SLC36A1: variants seen among roughly 807,000 people sequenced by gnomAD.
SLC36A1 encodes proton-coupled amino acid transporter 1.
In SLC36A1, 30 loss-of-function variants were observed where a neutral mutation model predicts 47.5. The observed-to-expected ratio is 0.63, with a 90% CI of 0.47 to 0.86. The LOEUF (loss-of-function observed/expected upper bound fraction) is 0.86, where lower values mean the gene tolerates loss of function less well. SLC36A1 is among the 40% of genes least tolerant of loss of function. The pLI, the probability that SLC36A1 is intolerant of heterozygous loss-of-function variation, is 0.00. For missense variants in SLC36A1, 517 were observed against 606.0 expected, an observed-to-expected ratio of 0.85 and a Z score of 1.54; for synonymous variants, 255 against 249.7, an observed-to-expected ratio of 1.02 and a Z score of -0.20.
chr5:151,426,423 A>G, the SLC36A1 span, among the ~76,000 whole-genome samples: 1 of 151,998 alleles, frequency 6.6e-6, no homozygotes, highest in East Asian at 1.9e-4. Context: ...ACGTGAGCAA[A>G]GGTCTCTGTG....
At chr5:151,442,138 A>C (rs542588745) in intron 1 of SLC36A1, among the ~76,000 whole-genome samples, 1 of 152,166 alleles carries the variant, frequency 6.6e-6, no homozygotes, top group African/African-American at 2.4e-5. Context: ...TGAGAACATA[A>C]TTTTTGTTTT....
upstream of SLC36A1, among the ~76,000 whole-genome samples, chr5:151,446,691 G>A (rs144478473): frequency 2.2e-3 from 331 of 152,242 alleles, 1 homozygote; most frequent in African/African-American, 7.5e-3. Context: ...ACTAGCATAT[G>A]GTCTATTCTA....
chr5:151,521,424 G>T, the SLC36A1 span: 12 of 1,614,086 alleles, frequency 7.4e-6, no homozygotes, highest in African/African-American at 1.3e-5. Flanking sequence ...AGGGCACCAT[G>T]GGCATAGCTG....
chr5:151,431,798 G>C, the SLC36A1 span, among the ~76,000 whole-genome samples: 1 of 152,134 alleles, frequency 6.6e-6, no homozygotes, highest in Admixed American at 6.5e-5. Context: ...ACCCAGTCTC[G>C]AGTGTGTCTT....
Position 151,473,693 on chromosome 5 carries a change from C to T in SLC36A1, c.744C>T (p.His248=). 1.9e-6 allele frequency: 3 copies of T among 1,613,660 alleles called. No individual in the cohort carries two copies. Among genetic ancestry groups the T allele is most frequent in the East Asian group, 2.2e-5 (1 of 44,872 alleles). ...FIVQRIPDPS[H]LPLVAPWKTY... ...TTCAGAGGATCCCAGACCCCAGCCA[C>T]CTCCCCTTGGTGGCCCCTTGGAAGA... Residue 248 remains histidine, a synonymous_variant, in exon 8 of 11, where the codon CAC becomes CAT. Coordinates refer to ENST00000243389, the MANE Select transcript of SLC36A1 (RefSeq NM_078483.4).
the SLC36A1 span, among the ~76,000 whole-genome samples, chr5:151,429,168 T>C: frequency 6.6e-6 from 1 of 152,182 alleles, no homozygotes; most frequent in Admixed American, 6.5e-5. Context: ...CTTCTCAGCA[T>C]TTTACCTATG....
Position 151,476,755 on chromosome 5 carries a change from T to C in SLC36A1, c.988T>C (p.Trp330Arg). 6.2e-7 allele frequency: 1 copy of C among 1,610,948 alleles called. No individual in the cohort carries two copies. Among genetic ancestry groups the C allele is most frequent in the Non-Finnish European group, 8.5e-7 (1 of 1,178,200 alleles). Residue 330 changes from tryptophan to arginine, a missense_variant and splice_region_variant, in exon 9 of 11, where the codon TGG (tryptophan) becomes CGG (arginine). Coordinates refer to ENST00000243389, the MANE Select transcript of SLC36A1 (RefSeq NM_078483.4). ...CATAACCCTCAACCTGCCCAACTGC[T>C]GGTACGTGGAGGGAGGATGGAAACC... is the stretch of plus-strand genomic sequence containing the variant. ...GSITLNLPNC[W>R]LYQSVKLLYS...
At position 151,442,210 on chromosome 5, in the gene SLC36A1, G is replaced by A. The variant is rs369363345; in HGVS notation, c.-6+5031G>A. Reference sequence around the variant, plus strand: ...TAGCATTTACAACATGATGTTATGCGATACTTATAGATAGTAAAATTGTAA... The same window carrying A: ...TAGCATTTACAACATGATGTTATGCAATACTTATAGATAGTAAAATTGTAA... On this transcript the variant is annotated intron_variant, in intron 1 of 8. Transcript: ENST00000429484. 2.4e-4 allele frequency among the ~76,000 whole-genome samples: 36 copies of A among 152,112 alleles called. 1 individual carries two copies. In the East Asian group the frequency reaches 2.7e-3, roughly 11 times the overall value.
chr5:151,531,603 G>A, the SLC36A1 span: 1 of 1,612,708 alleles, frequency 6.2e-7, no homozygotes, highest in Non-Finnish European at 8.5e-7. This position sits in a 1 kb window ranked among gnomAD's most constrained non-coding sequence, Gnocchi z 5.7. Flanking sequence ...GAGCATCCAG[G>A]CGGAACCTGC....
the SLC36A1 span, among the ~76,000 whole-genome samples, chr5:151,531,077 G>A: frequency 5.9e-5 from 9 of 152,130 alleles, no homozygotes; most frequent in African/African-American, 2.2e-4. This position sits in a 1 kb window ranked among gnomAD's most constrained non-coding sequence, Gnocchi z 5.7. Flanking sequence ...GTCTTCTGTG[G>A]CTAGTAGGAA....
chr5:151,509,135 A>G, the SLC36A1 span, among the ~76,000 whole-genome samples: 2 of 152,182 alleles, frequency 1.3e-5, no homozygotes, highest in Non-Finnish European at 2.9e-5. Context: ...CACCTGCCCA[A>G]GTGGAACCAT....
At chr5:151,429,820 C>G in the SLC36A1 span, among the ~76,000 whole-genome samples, 1 of 152,134 alleles carries the variant, frequency 6.6e-6, no homozygotes, top group Non-Finnish European at 1.5e-5. Flanking sequence ...CTTGAACACA[C>G]GTAGAAACAG....
At chr5:151,347,422 G>A in the SLC36A1 span, 21 of 1,614,170 alleles carry the variant, frequency 1.3e-5, no homozygotes, top group Admixed American at 5.0e-5. Flanking sequence ...TGATGGCAAC[G>A]GCTCCCTGGG....
At chr5:151,553,345 C>T in the SLC36A1 span, 1 of 1,614,266 alleles carries the variant, frequency 6.2e-7, no homozygotes, top group Non-Finnish European at 8.5e-7. Context: ...TGTAGCCGGA[C>T]ACTGGCTGAG....
chr5:151,369,679 G>T, the SLC36A1 span, among the ~76,000 whole-genome samples: 2 of 152,284 alleles, frequency 1.3e-5, no homozygotes, highest in African/African-American at 4.8e-5. Context: ...ACAGGGTCTC[G>T]CTATATTGCC....
upstream of SLC36A1, among the ~76,000 whole-genome samples, chr5:151,443,733 T>C (rs1423152332): frequency 1.3e-5 from 2 of 152,228 alleles, no homozygotes; most frequent in East Asian, 3.8e-4. Context: ...TCCAAAAAAA[T>C]CATTGCCAAG....
upstream of SLC36A1, among the ~76,000 whole-genome samples, chr5:151,434,957 A>G (rs1759682280): frequency 6.6e-6 from 1 of 152,230 alleles, no homozygotes; most frequent in Admixed American, 6.5e-5. Context: ...GGCAACATCA[A>G]ATCAGACTCG....
chr5:151,528,717 G>A, the SLC36A1 span, among the ~76,000 whole-genome samples: 45,005 of 151,982 alleles, frequency 0.3, 7,853 homozygotes, highest in East Asian at 0.52. Flanking sequence ...GTGGGAGTAT[G>A]GGTGGACAGA....
At chr5:151,543,477 C>T in the SLC36A1 span, 1 of 1,614,178 alleles carries the variant, frequency 6.2e-7, no homozygotes, top group Non-Finnish European at 8.5e-7. Context: ...CAATGACTCT[C>T]TCTGTTGAAT....
Sources: gnomAD v4.1 joint callset for allele counts (sites outside exome capture counted in the v4.1 genomes callset) on GRCh38, gnomAD v4.1.1 for gene constraint, Gnocchi (gnomAD v3.1) non-coding constraint, MANE v1.5 for transcripts, NCBI Gene and HGNC (gene_info 2026-07-23, HGNC 2026-07-21) for gene names.